The following PCDH15 variants were observed in gnomAD, a reference collection of about 807,000 sequenced individuals.
The protein encoded by PCDH15 is protocadherin related 15, also known as protocadherin-15.
A neutral mutation model predicts 178.5 loss-of-function variants in PCDH15; 129 were observed. The ratio of observed to expected loss-of-function variants is 0.72; its 90% confidence interval spans 0.63 to 0.84. The LOEUF is 0.84. Ranked by LOEUF, PCDH15 falls within the 40% of genes least tolerant of loss-of-function variation. The pLI is 0.00. For missense variants in PCDH15, 2,230 were observed against 2,099.9 expected (o/e 1.06, Z -1.21); for synonymous variants, 800 against 732.0 (o/e 1.09, Z -1.50).
chr10:55,240,409 A>C (rs538498537), intron 1 of PCDH15, among the ~76,000 whole-genome samples: 3 of 152,196 alleles, frequency 2.0e-5, no homozygotes, highest in South Asian at 4.1e-4. Context: ...TTAAAAAACC[A>C]ACAAATTAAA....
intron 8 of PCDH15, among the ~76,000 whole-genome samples, chr10:54,290,765 A>AT (rs1263973996): frequency 6.6e-6 from 1 of 152,224 alleles, no homozygotes; most frequent in South Asian, 2.1e-4. Context: ...GATAAAACAG[A>AT]TTTTAAACCA....
chr10:55,457,459 A>C (rs117662166), intron 2 of PCDH15, among the ~76,000 whole-genome samples: 6,321 of 152,116 alleles, frequency 0.042, 184 homozygotes, highest in Non-Finnish European at 0.061. Context: ...TGATGCAAAC[A>C]TGCATCGCTT....
chr10:54,990,477 T>A (rs1252421114), intron 2 of PCDH15, among the ~76,000 whole-genome samples: 2 of 152,240 alleles, frequency 1.3e-5, no homozygotes, highest in Admixed American at 1.3e-4. Context: ...GTTATAAATT[T>A]AGCTTCTAGC....
chr10:54,753,219 T>C (rs1946581528), intron 1 of PCDH15, among the ~76,000 whole-genome samples: 1 of 152,134 alleles, frequency 6.6e-6, no homozygotes, highest in African/African-American at 2.4e-5. Flanking sequence ...ACAGGGTCTC[T>C]GTCACCCAGG....
At chr10:55,277,974 A>C (rs2132254241) in intron 1 of PCDH15, among the ~76,000 whole-genome samples, 1 of 152,288 alleles carries the variant, frequency 6.6e-6, no homozygotes, top group South Asian at 2.1e-4. Flanking sequence ...GGACTAGCTA[A>C]GCTTGGAAGG....
intron 2 of PCDH15, among the ~76,000 whole-genome samples, chr10:54,657,669 C>T (rs546087759): frequency 2.0e-4 from 31 of 152,242 alleles, no homozygotes; most frequent in African/African-American, 7.5e-4. Context: ...GCATATCATA[C>T]ACATCATAAC....
chr10:54,604,204 T>C (rs1035303146), intron 2 of PCDH15, among the ~76,000 whole-genome samples: 6 of 151,994 alleles, frequency 3.9e-5, no homozygotes, highest in Non-Finnish European at 7.4e-5. Flanking sequence ...ATAGGTGATC[T>C]ATTGTGAAGA....
At chr10:54,255,746 G>GA (rs1490035105) in intron 8 of PCDH15, among the ~76,000 whole-genome samples, 2 of 152,008 alleles carry the variant, frequency 1.3e-5, no homozygotes, top group Non-Finnish European at 2.9e-5. Context: ...ATGATAGCCT[G>GA]AAAGCCCACT....
chr10:54,294,528 G>C lies in PCDH15; in HGVS notation c.876+22743C>G, dbSNP rs914867522. On this transcript the variant is annotated intron_variant, in intron 8 of 37. Transcript: ENST00000644397. ...ACGCATGTTACTAATTTATTAAGCA[G>C]AACTCATCAAGATGCCAAAAGATAA... Among the ~76,000 whole-genome samples, 10 of 152,250 alleles carry C rather than the reference G, an allele frequency of 6.6e-5. No homozygotes were observed. The East Asian group carries it at 1.9e-3, about 29-fold the overall frequency.
At chr10:54,848,495 C>A (rs1451946972) in intron 3 of PCDH15, among the ~76,000 whole-genome samples, 4 of 151,936 alleles carry the variant, frequency 2.6e-5, no homozygotes, top group African/African-American at 7.3e-5. Flanking sequence ...CACACTCAGC[C>A]CGCTTACCAA....
intron 25 of PCDH15, among the ~76,000 whole-genome samples, chr10:53,925,730 G>A (rs555778571): frequency 6.6e-6 from 1 of 152,220 alleles, no homozygotes; most frequent in Admixed American, 6.5e-5. Context: ...CCAGTCCCTG[G>A]TTTCTAGTCT....
chr10:53,807,061 T>TGTC lies in PCDH15; in HGVS notation c.4738_4740dup (p.Asp1580dup), dbSNP rs1425345135. The TGTC allele has an allele frequency of 6.2e-7, 1 of 1,613,316 alleles. No homozygotes were observed. The highest frequency in any genetic ancestry group is 8.5e-7 in the Non-Finnish European group (1 of 1,179,750). ...CGGTTTCTCTGACATTCAGGAGCACTGTCTTCTCCAGTTGAGCTGGTTTCA... is the reference window on the plus strand; with the variant it reads ...CGGTTTCTCTGACATTCAGGAGCACTGTCGTCTTCTCCAGTTGAGCTGGTTTCA... On this transcript the variant is annotated inframe_insertion, in exon 38 of 38. Transcript: ENST00000644397.
At chr10:55,147,796 TTTC>T (rs1199455416) in intron 2 of PCDH15, among the ~76,000 whole-genome samples, 2 of 143,242 alleles carry the variant, frequency 1.4e-5, no homozygotes, top group East Asian at 3.9e-4. Context: ...ATATCTCCTC[TTTC>T]TTCTTATGTT....
intron 2 of PCDH15, among the ~76,000 whole-genome samples, chr10:55,138,393 C>T (rs1838261040): frequency 6.6e-6 from 1 of 152,120 alleles, no homozygotes. Context: ...CAGGGGCCTT[C>T]TCTTCCCTTA....
intron 2 of PCDH15, among the ~76,000 whole-genome samples, chr10:55,596,034 C>T (rs911065870): frequency 2.6e-5 from 4 of 151,960 alleles, no homozygotes; most frequent in Admixed American, 2.6e-4. Context: ...AGTATAGACA[C>T]AGAAGTTGAA....
intron 10 of PCDH15, among the ~76,000 whole-genome samples, chr10:54,205,355 C>G (rs939643779): frequency 9.9e-5 from 15 of 152,198 alleles, no homozygotes; most frequent in African/African-American, 3.4e-4. Flanking sequence ...TAGTTGGAAA[C>G]TGAATGGAAG....
At chr10:54,384,188 A>G (rs561117206) in intron 3 of PCDH15, among the ~76,000 whole-genome samples, 89 of 152,132 alleles carry the variant, frequency 5.9e-4, no homozygotes, top group African/African-American at 2.1e-3. Context: ...ATAAAAGCCA[A>G]AAAAGCCCTG....
At chr10:53,933,252 C>G (rs550116772) in intron 25 of PCDH15, among the ~76,000 whole-genome samples, 3 of 151,814 alleles carry the variant, frequency 2.0e-5, no homozygotes, top group African/African-American at 7.3e-5. Flanking sequence ...TATACATGTG[C>G]CATGTTGGTG....
intron 1 of PCDH15, among the ~76,000 whole-genome samples, chr10:55,257,401 G>A (rs763409436): frequency 1.3e-5 from 2 of 152,054 alleles, no homozygotes; most frequent in African/African-American, 2.4e-5. Context: ...GAGAGAAGAA[G>A]GCTTCAGACG....
Sources: allele counts gnomAD v4.1 joint callset (sites outside exome capture counted in the v4.1 genomes callset), GRCh38; gene constraint gnomAD v4.1.1; transcripts MANE v1.5; gene names NCBI Gene and HGNC (gene_info 2026-07-23, HGNC 2026-07-21).